DPYD: variants seen among roughly 807,000 people sequenced by gnomAD.
DPYD encodes the protein dihydropyrimidine dehydrogenase [NADP(+)].
A neutral mutation model predicts 116.2 loss-of-function variants in DPYD; 109 were observed. That is an observed-to-expected ratio of 0.94 (90% confidence interval 0.80 to 1.10). The LOEUF (loss-of-function observed/expected upper bound fraction) is 1.10. DPYD is among the 50% of genes least tolerant of loss of function. The pLI is 0.00. For missense variants in DPYD, 1,302 were observed against 1,254.5 expected (o/e 1.04, Z -0.57); for synonymous variants, 440 against 432.0 (o/e 1.02, Z -0.23).
chr1:97,178,020 G>T (rs1050507084), intron 20 of DPYD, among the ~76,000 whole-genome samples: 2 of 152,016 alleles, frequency 1.3e-5, no homozygotes, highest in South Asian at 4.2e-4. Flanking sequence ...CCTTCCAAAG[G>T]CCCCACCTCC....
At chr1:97,318,294 T>A (rs1667992318) in intron 16 of DPYD, among the ~76,000 whole-genome samples, 1 of 126,002 alleles carries the variant, frequency 7.9e-6, no homozygotes, top group South Asian at 2.8e-4. Context: ...GCAAGTTGGA[T>A]AAAGAGTCAA....
At chr1:97,105,734 C>T (rs138346502) in intron 20 of DPYD, among the ~76,000 whole-genome samples, 6 of 151,980 alleles carry the variant, frequency 3.9e-5, no homozygotes, top group Admixed American at 6.6e-5. Flanking sequence ...AAGTAGAGGA[C>T]GACATGCACA....
At chr1:97,079,702 T>C (rs1649019115) in intron 22 of DPYD, among the ~76,000 whole-genome samples, 1 of 152,162 alleles carries the variant, frequency 6.6e-6, no homozygotes. Flanking sequence ...CTCTAGTCAT[T>C]GTCCACCACG....
In DPYD at chr1:97,134,239, C is replaced by T. The variant is rs951696883; in HGVS notation, c.2623-35607G>A. Among the ~76,000 whole-genome samples, 12 of 151,548 alleles carry T rather than the reference C, an allele frequency of 7.9e-5. No individual in the cohort carries two copies. In the East Asian group the frequency reaches 2.3e-3, roughly 29 times the overall value. On this transcript the variant is annotated intron_variant, in intron 20 of 22. Coordinates refer to ENST00000370192, the MANE Select transcript of DPYD (RefSeq NM_000110.4). ...AAAATGGGAAGAACATCACTTTCAACATTTAAATTGAGTTATTAATGTATT... is the reference window on the plus strand; with the variant it reads ...AAAATGGGAAGAACATCACTTTCAATATTTAAATTGAGTTATTAATGTATT...
At position 97,196,013 on chromosome 1, in the gene DPYD, T is replaced by C. The variant is rs377727951; in HGVS notation, c.2443-2765A>G. ...GATGAGGGATGATGAACTAAAGATA[T>C]GCAGCCAGGTCACATTTCTAAGAAG... On this transcript the variant is annotated intron_variant, in intron 19 of 22. Transcript: ENST00000370192. 2.6e-5 allele frequency among the ~76,000 whole-genome samples: 4 copies of C among 151,948 alleles called. No homozygotes were observed. In the East Asian group the frequency reaches 5.8e-4, roughly 22 times the overall value.
chr1:97,136,041 T>A (rs1202469415), intron 20 of DPYD, among the ~76,000 whole-genome samples: 2 of 152,168 alleles, frequency 1.3e-5, no homozygotes, highest in Non-Finnish European at 2.9e-5. Context: ...GGAGTTACTA[T>A]CATTCCCAGA....
intron 20 of DPYD, among the ~76,000 whole-genome samples, chr1:97,172,566 T>C (rs1264279021): frequency 6.6e-6 from 1 of 152,196 alleles, no homozygotes; most frequent in Non-Finnish European, 1.5e-5. Context: ...ATCACTTCAT[T>C]ATCCCTTCCT....
chr1:97,152,670 C>T (rs1268996275), intron 20 of DPYD, among the ~76,000 whole-genome samples: 1 of 150,768 alleles, frequency 6.6e-6, no homozygotes, highest in Non-Finnish European at 1.5e-5. Flanking sequence ...GTAGATATTG[C>T]TGTATATATT....
At chr1:97,810,952 G>A (rs1023496775) in intron 3 of DPYD, among the ~76,000 whole-genome samples, 14 of 151,958 alleles carry the variant, frequency 9.2e-5, no homozygotes, top group African/African-American at 2.7e-4. Flanking sequence ...ATGTAACTCC[G>A]TACCCTCTGC....
chr1:97,812,755 A>G (rs1032762245), intron 3 of DPYD, among the ~76,000 whole-genome samples: 1 of 152,112 alleles, frequency 6.6e-6, no homozygotes, highest in Non-Finnish European at 1.5e-5. Context: ...TGATTCAGGT[A>G]TGTCTAGAAA....
At chr1:97,220,114 A>G (rs779839793) in intron 19 of DPYD, among the ~76,000 whole-genome samples, 2 of 152,024 alleles carry the variant, frequency 1.3e-5, no homozygotes, top group Non-Finnish European at 2.9e-5. Context: ...TCAATCTCCA[A>G]TGTGGCAGTA....
chr1:97,528,175 T>C (rs1649293277), intron 12 of DPYD, among the ~76,000 whole-genome samples: 1 of 152,154 alleles, frequency 6.6e-6, no homozygotes, highest in African/African-American at 2.4e-5. Context: ...AAAATTAATT[T>C]GGATTAGCTG....
At chr1:97,774,150 C>T (rs987930026) in intron 3 of DPYD, among the ~76,000 whole-genome samples, 4 of 152,298 alleles carry the variant, frequency 2.6e-5, no homozygotes, top group Middle Eastern at 3.4e-3. Context: ...CAAGCCACAC[C>T]ACCGTTGCAT....
chr1:97,195,662 A>G (rs12086537), intron 19 of DPYD, among the ~76,000 whole-genome samples: 536 of 45,950 alleles, frequency 0.012, 30 homozygotes, highest in East Asian at 0.021. Context: ...ATATATATAT[A>G]TATATATATA....
intron 6 of DPYD, 115 bp downstream of exon 6, chr1:97,699,236 T>C (rs1661460220): frequency 2.7e-6 from 3 of 1,124,762 alleles, no homozygotes; most frequent in Non-Finnish European, 3.9e-6. Flanking sequence ...AAAAGAACAT[T>C]TAAAATACCA....
intron 18 of DPYD, chr1:97,295,819 A>C (rs1666493984): frequency 1.1e-6 from 1 of 933,806 alleles, no homozygotes; most frequent in African/African-American, 1.8e-5. Context: ...CTTAGTTGTC[A>C]TAAAGTTGTG....
intron 11 of DPYD, among the ~76,000 whole-genome samples, chr1:97,571,925 T>A (rs1652927520): frequency 1.3e-5 from 2 of 151,946 alleles, no homozygotes; most frequent in Admixed American, 1.3e-4. Context: ...AACATTTAGA[T>A]GGGAGTCCAG....
At chr1:97,204,450 T>A (rs573591207) in intron 19 of DPYD, among the ~76,000 whole-genome samples, 18 of 152,264 alleles carry the variant, frequency 1.2e-4, no homozygotes, top group African/African-American at 4.1e-4. Flanking sequence ...ATTTATGCCT[T>A]CTCACTAAAA....
rs1219717263 is a variant in DPYD at position 97,208,293 on chromosome 1, CT to C, written c.2443-15046del. ...TTCTTTCTTCTTTCTCTCTCTCTTT[CT>C]TTTTTTTTTTTGACAGGGTCTCACT... On this transcript the variant is annotated intron_variant, in intron 19 of 22. Transcript: ENST00000370192. Among the ~76,000 whole-genome samples, 128 of 119,316 alleles carry C rather than the reference CT, an allele frequency of 1.1e-3. No homozygotes were observed. The Middle Eastern group carries it at 0.012, about 11-fold the overall frequency. The allele number at this position is 119,316 out of a possible 152,430, so 78.3% of individuals were successfully genotyped here.
Sources: gnomAD v4.1 joint callset for allele counts (sites outside exome capture counted in the v4.1 genomes callset) on GRCh38, gnomAD v4.1.1 for gene constraint, MANE v1.5 for transcripts, NCBI Gene and HGNC (gene_info 2026-07-23, HGNC 2026-07-21) for gene names.